Variants in DLGAP2 observed in about 807,000 individuals in gnomAD.
The protein encoded by DLGAP2 is disks large-associated protein 2.
A neutral mutation model predicts 100.3 loss-of-function variants in DLGAP2; 26 were observed. That is an observed-to-expected ratio of 0.26 (90% confidence interval 0.19 to 0.36). The LOEUF (loss-of-function observed/expected upper bound fraction) is 0.36, where lower values mean the gene tolerates loss of function less well. DLGAP2 is among the 10% of genes least tolerant of loss of function. The probability of loss-of-function intolerance (pLI) is 1.00; values close to 1 mark genes in which losing one functional copy is unlikely to be tolerated. For synonymous variants in DLGAP2, 886 were observed against 630.1 expected (o/e 1.41, Z -6.08); for missense variants, 1,858 against 1,453.2 (o/e 1.28, Z -4.53).
chr8:1,275,172 T>C (rs1799657568), intron 3 of DLGAP2, among the ~76,000 whole-genome samples: 1 of 151,854 alleles, frequency 6.6e-6, no homozygotes, highest in Non-Finnish European at 1.5e-5. Flanking sequence ...AACTCTGGAG[T>C]TATTATGTAT....
chr8:1,557,581 G>A (rs938433008), intron 5 of DLGAP2, among the ~76,000 whole-genome samples: 1 of 152,150 alleles, frequency 6.6e-6, no homozygotes, highest in African/African-American at 2.4e-5. Context: ...CAGCCTGGGT[G>A]GTGCGTGAGT....
intron 4 of DLGAP2, among the ~76,000 whole-genome samples, chr8:1,547,985 C>A (rs1346502932): frequency 1.3e-5 from 2 of 152,208 alleles, no homozygotes; most frequent in African/African-American, 4.8e-5. Flanking sequence ...TTAAGCTGTA[C>A]GACAAAACTG....
intron 2 of DLGAP2, among the ~76,000 whole-genome samples, chr8:939,947 CG>C (rs1242645058): frequency 6.6e-6 from 1 of 151,930 alleles, no homozygotes; most frequent in Non-Finnish European, 1.5e-5. Flanking sequence ...AGGGTGAACA[CG>C]TACAGGCTCC....
At chr8:919,921 CCCTT>C (rs796412908) in intron 2 of DLGAP2, among the ~76,000 whole-genome samples, 26 of 152,316 alleles carry the variant, frequency 1.7e-4, no homozygotes, top group African/African-American at 5.8e-4. Context: ...TTTAATAACT[CCCTT>C]CCACCCCATG....
intron 2 of DLGAP2, among the ~76,000 whole-genome samples, chr8:994,262 G>C (rs905213604): frequency 6.6e-6 from 1 of 152,090 alleles, no homozygotes; most frequent in African/African-American, 2.4e-5. Flanking sequence ...GTGCAGTGGC[G>C]CGATCTCGGC....
intron 2 of DLGAP2, among the ~76,000 whole-genome samples, chr8:1,027,242 G>T (rs559371712): frequency 6.6e-6 from 1 of 152,342 alleles, no homozygotes; most frequent in East Asian, 1.9e-4. Flanking sequence ...TGTGAATTAT[G>T]CGTTAATCCA....
At chr8:832,559 C>T (rs941826732) in intron 1 of DLGAP2, among the ~76,000 whole-genome samples, 1 of 152,178 alleles carries the variant, frequency 6.6e-6, no homozygotes, top group Non-Finnish European at 1.5e-5. Flanking sequence ...AGAAGTGATA[C>T]TATTAAAGTT....
chr8:1,300,189 T>C (rs1469714059), intron 3 of DLGAP2: 1 of 152,216 alleles, frequency 6.6e-6, no homozygotes, highest in African/African-American at 2.4e-5. Flanking sequence ...TCAAAGCCAA[T>C]AGCACCGTTA....
intron 3 of DLGAP2, among the ~76,000 whole-genome samples, chr8:1,317,791 T>C (rs1315205617): frequency 8.0e-5 from 6 of 74,662 alleles, no homozygotes; most frequent in East Asian, 4.0e-4. Context: ...CACTCGTCAG[T>C]GTTAAAAAAT....
intron 1 of DLGAP2, among the ~76,000 whole-genome samples, chr8:843,344 G>C (rs902270736): frequency 9.9e-5 from 15 of 152,204 alleles, no homozygotes; most frequent in Non-Finnish European, 1.8e-4. Flanking sequence ...CTCAGGGTGA[G>C]AGCCTTTCCT....
intron 2 of DLGAP2, among the ~76,000 whole-genome samples, chr8:1,121,000 C>G (rs954859809): frequency 1.3e-5 from 2 of 151,552 alleles, no homozygotes; most frequent in Non-Finnish European, 2.9e-5. Context: ...CAAGACCTCC[C>G]ATCCTTATCC....
Position 805,028 on chromosome 8 carries a change from C to T in DLGAP2, c.18+67203C>T, listed in dbSNP as rs188844327. Among the ~76,000 whole-genome samples, 5 of 152,316 alleles carry T rather than the reference C, an allele frequency of 3.3e-5. No homozygotes were observed. In the East Asian group the frequency reaches 9.7e-4, roughly 29 times the overall value. ...TCAAGTGATTGGCCTGCCTTGCCCTCCCAAATTGTTGGGATTATAGGCGTG... is the reference window on the plus strand; with the variant it reads ...TCAAGTGATTGGCCTGCCTTGCCCTTCCAAATTGTTGGGATTATAGGCGTG... On this transcript the variant is annotated intron_variant, in intron 1 of 14. Transcript: ENST00000637795.
chr8:1,191,383 G>C (rs536323606), intron 2 of DLGAP2, among the ~76,000 whole-genome samples: 1 of 152,084 alleles, frequency 6.6e-6, no homozygotes, highest in African/African-American at 2.4e-5. Context: ...TGTTAGCCAG[G>C]ATGGTCTTGA....
intron 8 of DLGAP2, among the ~76,000 whole-genome samples, chr8:1,658,448 A>G (rs936017163): frequency 1.3e-5 from 2 of 152,136 alleles, no homozygotes; most frequent in Admixed American, 1.3e-4. Context: ...CAGTTTTGTT[A>G]CGTAGGCTAT....
At chr8:1,305,495 T>C (rs1800469203) in intron 3 of DLGAP2, among the ~76,000 whole-genome samples, 1 of 152,234 alleles carries the variant, frequency 6.6e-6, no homozygotes, top group Admixed American at 6.5e-5. Flanking sequence ...TACATTTGTG[T>C]GTCTTTCTGT....
intron 3 of DLGAP2, among the ~76,000 whole-genome samples, chr8:1,393,841 C>A (rs1180321154): frequency 1.4e-3 from 3 of 2,148 alleles, no homozygotes; most frequent in Non-Finnish European, 2.2e-3. Context: ...ACTGAGCGCC[C>A]CCTCCTCGTC....
intron 2 of DLGAP2, among the ~76,000 whole-genome samples, chr8:965,314 A>G (rs1478755056): frequency 1.8e-5 from 2 of 112,538 alleles, no homozygotes; most frequent in East Asian, 5.7e-4. Context: ...CCTGAGTCTG[A>G]CCCCTGCGCT....
intron 2 of DLGAP2, among the ~76,000 whole-genome samples, chr8:1,080,289 C>T (rs769672533): frequency 8.5e-5 from 13 of 152,306 alleles, no homozygotes; most frequent in East Asian, 1.9e-4. Context: ...CCCCGCCGCC[C>T]GCGTGCTGCT....
intron 2 of DLGAP2, among the ~76,000 whole-genome samples, chr8:1,017,559 GTGTGTGTGA>G (rs1563146471): frequency 2.5e-5 from 3 of 121,584 alleles, no homozygotes; most frequent in African/African-American, 1.1e-4. Flanking sequence ...TGCCTCCACT[GTGTGTGTGA>G]CCAGGACAGA....
Sources: gnomAD v4.1 joint callset for allele counts (sites outside exome capture counted in the v4.1 genomes callset) on GRCh38, gnomAD v4.1.1 for gene constraint, MANE v1.5 for transcripts, NCBI Gene and HGNC (gene_info 2026-07-23, HGNC 2026-07-21) for gene names.